Variants in RHCE observed in about 807,000 individuals in gnomAD.
The protein encoded by RHCE is blood group Rh(CE) polypeptide.
In RHCE, 22 loss-of-function variants were observed where a neutral mutation model predicts 43.8. The observed-to-expected ratio is 0.50, with a 90% CI of 0.36 to 0.72. RHCE has a LOEUF of 0.72. Among genes scored for constraint, RHCE ranks in the 30% least tolerant of loss-of-function variants. RHCE has a pLI of 0.00. For missense variants in RHCE, 385 were observed against 525.4 expected, an observed-to-expected ratio of 0.73 and a Z score of 2.61; for synonymous variants, 156 against 210.7, an observed-to-expected ratio of 0.74 and a Z score of 2.25.
intron 3 of RHCE, 116 bp downstream of exon 3, chr1:25,402,480 C>T (rs905312178): frequency 6.7e-7 from 1 of 1,496,378 alleles, no homozygotes; most frequent in Admixed American, 1.7e-5. Flanking sequence ...CCCTCCTCAA[C>T]CTCCCAAGTA....
At chr1:25,425,433 A>T (rs553641802), upstream of RHCE, among the ~76,000 whole-genome samples, 2 of 152,346 alleles carry the variant, frequency 1.3e-5, no homozygotes, top group South Asian at 4.1e-4. Context: ...TAAACGGCAG[A>T]GGTGGGACCT....
chr1:25,415,830 G>C (rs1369578783), intron 1 of RHCE, among the ~76,000 whole-genome samples: 1 of 151,530 alleles, frequency 6.6e-6, no homozygotes, highest in East Asian at 1.9e-4. Flanking sequence ...ATTTGAATCA[G>C]TCTAGCTCCA....
Position 25,412,716 on chromosome 1 carries a change from A to T in RHCE, c.149-3847T>A, listed in dbSNP as rs28376152. On this transcript the variant is annotated intron_variant, in intron 1 of 9. Coordinates refer to ENST00000294413, the MANE Select transcript of RHCE (RefSeq NM_020485.8). ...GGCGACAGAGGGAGACCCTTTTTTT[A>T]AAAAAAAAAAAAAAAAAAAAAAAAA... 3.4e-3 allele frequency among the ~76,000 whole-genome samples: 384 copies of T among 112,708 alleles called. 1 individual carries two copies. The highest frequency in any genetic ancestry group is 7.6e-3 in the South Asian group (25 of 3,306). The allele number at this position is 112,708 out of a possible 152,430, so 73.9% of individuals were successfully genotyped here.
chr1:25,400,132 T>C (rs1646686527), intron 3 of RHCE, among the ~76,000 whole-genome samples: 1 of 152,304 alleles, frequency 6.6e-6, no homozygotes, highest in East Asian at 1.9e-4. Flanking sequence ...CATCAGATTT[T>C]TCCTCTCTAT....
At chr1:25,393,879 A>G (rs680732) in intron 3 of RHCE, among the ~76,000 whole-genome samples, 90,795 of 151,728 alleles carry the variant, frequency 0.6, 28,813 homozygotes, top group African/African-American at 0.81. Flanking sequence ...CAAGGGCAGG[A>G]TGGAGGGAGT....
upstream of RHCE, among the ~76,000 whole-genome samples, chr1:25,423,166 C>T (rs1307744160): frequency 6.6e-6 from 1 of 152,182 alleles, no homozygotes; most frequent in Non-Finnish European, 1.5e-5. Context: ...AGTCTCCATT[C>T]CTCTCACAAT....
intron 9 of RHCE, 63 bp from the exon 10 acceptor site, chr1:25,362,616 T>C (rs1645434690): frequency 9.1e-7 from 1 of 1,101,008 alleles, no homozygotes; most frequent in Non-Finnish European, 1.3e-6. Flanking sequence ...TGGCTTGATC[T>C]CTTGAAACAG....
chr1:25,426,593 A>T (rs1443862548), intron 2 of RHCE, among the ~76,000 whole-genome samples: 1 of 152,206 alleles, frequency 6.6e-6, no homozygotes, highest in Non-Finnish European at 1.5e-5. Flanking sequence ...TGTTGTGAGG[A>T]TTAAAACAAA....
chr1:25,367,760 C>A (rs1211229997), intron 9 of RHCE, among the ~76,000 whole-genome samples: 2 of 142,818 alleles, frequency 1.4e-5, no homozygotes, highest in African/African-American at 2.6e-5. Context: ...ATTGCTTGAA[C>A]CCATGAGTTC....
At chr1:25,409,861 C>T (rs533794182) in intron 1 of RHCE, among the ~76,000 whole-genome samples, 19 of 151,612 alleles carry the variant, frequency 1.3e-4, no homozygotes, top group African/African-American at 3.1e-4. Flanking sequence ...GGCACAGAGG[C>T]GTTATGTAAC....
At chr1:25,388,425 G>C (rs1367373422) in intron 6 of RHCE, among the ~76,000 whole-genome samples, 1 of 134,850 alleles carries the variant, frequency 7.4e-6, no homozygotes, top group Non-Finnish European at 1.6e-5. Flanking sequence ...CATCATCCAC[G>C]TGGTTCCCCG....
At chr1:25,422,742 G>A (rs983361092), upstream of RHCE, among the ~76,000 whole-genome samples, 1 of 152,164 alleles carries the variant, frequency 6.6e-6, no homozygotes, top group Admixed American at 6.6e-5. Context: ...TTGGCACCAG[G>A]GACGGGTTTT....
intron 1 of RHCE, among the ~76,000 whole-genome samples, chr1:25,416,323 G>A (rs1647428220): frequency 6.6e-6 from 1 of 151,974 alleles, no homozygotes; most frequent in South Asian, 2.1e-4. Flanking sequence ...GAGTGCAGTG[G>A]TGTAATCTCA....
intron 3 of RHCE, among the ~76,000 whole-genome samples, chr1:25,392,570 T>TTC (rs1263488563): frequency 7.4e-6 from 1 of 135,198 alleles, no homozygotes; most frequent in East Asian, 2.2e-4. Context: ...CTCTTTTTTT[T>TTC]TTTTTTTTTT....
At chr1:25,397,313 A>G (rs2124454681) in intron 3 of RHCE, among the ~76,000 whole-genome samples, 1 of 149,550 alleles carries the variant, frequency 6.7e-6, no homozygotes, top group Middle Eastern at 3.4e-3. Context: ...CCTGGCCAAC[A>G]TGGCAAAACT....
upstream of RHCE, among the ~76,000 whole-genome samples, chr1:25,421,490 C>G (rs1186760719): frequency 6.6e-6 from 1 of 152,284 alleles, no homozygotes; most frequent in East Asian, 1.9e-4. Flanking sequence ...CCTGATCCAG[C>G]CTTAGGGTGA....
intron 1 of RHCE, among the ~76,000 whole-genome samples, chr1:25,415,603 G>T (rs1209337948): frequency 6.6e-6 from 1 of 152,002 alleles, no homozygotes; most frequent in East Asian, 1.9e-4. Flanking sequence ...GGTGAGCCAA[G>T]ATCGCACCAC....
intron 2 of RHCE, among the ~76,000 whole-genome samples, chr1:25,403,587 G>A (rs950807166): frequency 1.3e-5 from 2 of 152,066 alleles, no homozygotes; most frequent in African/African-American, 4.8e-5. Context: ...CATACACCAT[G>A]AGCCTGTCAA....
At chr1:25,382,803 G>T (rs931083463) in intron 7 of RHCE, among the ~76,000 whole-genome samples, 38 of 152,144 alleles carry the variant, frequency 2.5e-4, no homozygotes, top group Non-Finnish European at 4.7e-4. Context: ...ATGCTTCCCA[G>T]ATTTCAGCAT....
Sources: gnomAD v4.1 joint callset for allele counts (sites outside exome capture counted in the v4.1 genomes callset) on GRCh38, gnomAD v4.1.1 for gene constraint, MANE v1.5 for transcripts, NCBI Gene and HGNC (gene_info 2026-07-23, HGNC 2026-07-21) for gene names.